SKAP2: variants seen among roughly 807,000 people sequenced by gnomAD.
SKAP2 encodes src kinase-associated phosphoprotein 2.
Under a neutral mutation model 54.9 loss-of-function variants are expected in SKAP2, and 28 were observed. The observed-to-expected ratio is 0.51, with a 90% confidence interval of 0.38 to 0.70. SKAP2 has a LOEUF of 0.70. SKAP2 is among the 30% of genes least tolerant of loss of function. The pLI is 0.00. For missense variants in SKAP2, 356 were observed against 424.1 expected (o/e 0.84, Z 1.41); for synonymous variants, 137 against 134.3 (o/e 1.02, Z -0.14).
At chr7:26,675,808 C>T (rs1162500727) in intron 11 of SKAP2, among the ~76,000 whole-genome samples, 1 of 152,216 alleles carries the variant, frequency 6.6e-6, no homozygotes, top group Non-Finnish European at 1.5e-5. Context: ...CCACCTGTGG[C>T]AGGCTGTTGC....
chr7:26,847,232 A>G (rs182338242), intron 3 of SKAP2, among the ~76,000 whole-genome samples: 6 of 152,250 alleles, frequency 3.9e-5, no homozygotes, highest in Admixed American at 3.9e-4. Flanking sequence ...TATATGCTAT[A>G]TATACAGGGA....
chr7:26,714,333 A>C (rs966987670), intron 9 of SKAP2, among the ~76,000 whole-genome samples: 1 of 152,216 alleles, frequency 6.6e-6, no homozygotes, highest in Non-Finnish European at 1.5e-5. Context: ...AACTTCTTTA[A>C]TAAGGAACAA....
chr7:26,821,891 C>T (rs1784390710), intron 4 of SKAP2, among the ~76,000 whole-genome samples: 1 of 152,300 alleles, frequency 6.6e-6, no homozygotes, highest in Middle Eastern at 3.4e-3. Context: ...TTCTTCTACA[C>T]TTCCAGCTCC....
intron 11 of SKAP2, among the ~76,000 whole-genome samples, chr7:26,684,114 A>G (rs1786575371): frequency 6.6e-6 from 1 of 152,176 alleles, no homozygotes; most frequent in Admixed American, 6.6e-5. Context: ...ATAATCCAGT[A>G]TTTTAAGAAG....
chr7:26,862,146 T>G (rs971421229), intron 1 of SKAP2, among the ~76,000 whole-genome samples: 2 of 152,042 alleles, frequency 1.3e-5, no homozygotes, highest in Non-Finnish European at 2.9e-5. Context: ...AGTCATATAC[T>G]ATTACCCAAT....
At chr7:26,864,229 G>A (rs966998871) in intron 1 of SKAP2, 134 bp downstream of exon 1, 4 of 1,047,456 alleles carry the variant, frequency 3.8e-6, no homozygotes, top group Non-Finnish European at 5.8e-6. Flanking sequence ...TCCTCCCTGT[G>A]CCGACCCCAC....
At chr7:26,789,726 T>A (rs2127981099) in intron 4 of SKAP2, among the ~76,000 whole-genome samples, 1 of 152,314 alleles carries the variant, frequency 6.6e-6, no homozygotes, top group East Asian at 1.9e-4. Context: ...TTGGTTCTAA[T>A]TGTGTTTAAT....
chr7:26,837,574 A>G (rs1784740808), intron 4 of SKAP2, among the ~76,000 whole-genome samples: 1 of 152,160 alleles, frequency 6.6e-6, no homozygotes, highest in African/African-American at 2.4e-5. Flanking sequence ...CGAAGATAGC[A>G]CGAGGCCATG....
At chr7:26,762,212 T>C (rs1782948333) in intron 4 of SKAP2, among the ~76,000 whole-genome samples, 1 of 152,002 alleles carries the variant, frequency 6.6e-6, no homozygotes, top group African/African-American at 2.4e-5. Context: ...AAGGCTCTAG[T>C]GAGTTGTGAA....
intron 9 of SKAP2, among the ~76,000 whole-genome samples, chr7:26,714,037 A>AT (rs1039554556): frequency 3.3e-5 from 5 of 152,226 alleles, no homozygotes; most frequent in African/African-American, 9.6e-5. Context: ...AAGACTGATG[A>AT]TTAGGAGAGT....
intron 4 of SKAP2, among the ~76,000 whole-genome samples, chr7:26,795,810 T>C (rs1330812447): frequency 6.6e-6 from 1 of 152,188 alleles, no homozygotes; most frequent in Non-Finnish European, 1.5e-5. Flanking sequence ...ACTTAATACA[T>C]CATTAGTGGT....
intron 4 of SKAP2, among the ~76,000 whole-genome samples, chr7:26,748,833 A>G (rs1291804898): frequency 1.3e-5 from 2 of 152,156 alleles, no homozygotes; most frequent in Admixed American, 6.6e-5. Flanking sequence ...CCAAACTGAT[A>G]CTGCATTTTA....
chr7:26,701,726 AAAAT>A (rs869050926), intron 9 of SKAP2, among the ~76,000 whole-genome samples: 2 of 126,714 alleles, frequency 1.6e-5, no homozygotes, highest in Non-Finnish European at 3.4e-5. Flanking sequence ...CTTCGTCTCA[AAAAT>A]AAATAAATAA....
At chr7:26,776,041 T>C (rs1380201693) in intron 4 of SKAP2, among the ~76,000 whole-genome samples, 1 of 152,164 alleles carries the variant, frequency 6.6e-6, no homozygotes, top group African/African-American at 2.4e-5. Flanking sequence ...GCTGATTGCA[T>C]ATTCAATGGA....
intron 3 of SKAP2, chr7:26,848,080 T>C (rs1017472514): frequency 3.3e-5 from 5 of 152,324 alleles, no homozygotes; most frequent in Admixed American, 3.3e-4. Flanking sequence ...TGAAAAACAT[T>C]TTTAAATTTA....
intron 4 of SKAP2, among the ~76,000 whole-genome samples, chr7:26,748,534 G>T (rs1548478): frequency 0.62 from 93,906 of 151,774 alleles, 29,633 homozygotes; most frequent in East Asian, 0.88. Flanking sequence ...AATTTTGCCT[G>T]CCACATAAAG....
At chr7:26,812,997 C>A (rs564062917) in intron 4 of SKAP2, among the ~76,000 whole-genome samples, 1 of 152,200 alleles carries the variant, frequency 6.6e-6, no homozygotes, top group South Asian at 2.1e-4. Context: ...CCTGTGAGAA[C>A]TATATTCCAA....
At position 26,734,399 on chromosome 7, in the gene SKAP2, AC is replaced by A. The variant is rs529691403; in HGVS notation, c.469+4395del. On this transcript the variant is annotated intron_variant, in intron 6 of 12. Coordinates refer to ENST00000345317, the MANE Select transcript of SKAP2 (RefSeq NM_003930.5). ...TGGTCTAATCCACTTATTTAGCCTT[AC>A]GTGCTCCCTCCCCTCACTCATTCTA... 1.8e-4 allele frequency among the ~76,000 whole-genome samples: 28 copies of A among 152,260 alleles called. 1 individual carries two copies. In the South Asian group the frequency reaches 5.8e-3, roughly 32 times the overall value.
Position 26,854,873 on chromosome 7 carries a change from C to T in SKAP2, c.85G>A (p.Ala29Thr). ...NLLADVETFV[A>T]DILKGENLSK... ...AAATTTTCTCCTTTCAGTATATCTG[C>T]TACAAATGTTTCAACATCTAAACCA... is the stretch of plus-strand genomic sequence containing the variant. Residue 29 changes from alanine to threonine, a missense_variant, in exon 2 of 13, where the codon GCA becomes ACA. Physicochemically the swap from Ala to Thr is moderately conservative, Grantham distance 58. Coordinates refer to ENST00000345317, the MANE Select transcript of SKAP2 (RefSeq NM_003930.5). 1 of 1,593,598 alleles carries T rather than the reference C, an allele frequency of 6.3e-7. No homozygotes were observed. The highest frequency in any genetic ancestry group is 1.1e-5 in the South Asian group (1 of 90,494).
Sources: allele counts gnomAD v4.1 joint callset (sites outside exome capture counted in the v4.1 genomes callset), GRCh38; gene constraint gnomAD v4.1.1; transcripts MANE v1.5; gene names NCBI Gene and HGNC (gene_info 2026-07-23, HGNC 2026-07-21).